The following RIMS3 variants were observed in gnomAD, a reference collection of about 807,000 sequenced individuals.
RIMS3 encodes regulating synaptic membrane exocytosis 3, also known as regulating synaptic membrane exocytosis protein 3.
Under a neutral mutation model 29.2 loss-of-function variants are expected in RIMS3, and 15 were observed. The ratio of observed to expected loss-of-function variants is 0.51; its 90% CI spans 0.34 to 0.79. The LOEUF (loss-of-function observed/expected upper bound fraction) is 0.79, where lower values mean the gene tolerates loss of function less well. RIMS3 is among the 30% of genes least tolerant of loss of function. The pLI is 0.01. For missense variants in RIMS3, 342 were observed against 421.4 expected, an observed-to-expected ratio of 0.81 and a Z score of 1.65; for synonymous variants, 161 against 170.1, an observed-to-expected ratio of 0.95 and a Z score of 0.41.
chr1:40,623,035 T>G lies in RIMS3; in HGVS notation c.*3482A>C, dbSNP rs1206756682. 5.1e-6 allele frequency: 1 copy of G among 196,096 alleles called. No individual in the cohort carries two copies. Among genetic ancestry groups the G allele is most frequent in the Non-Finnish European group, 1.0e-5 (1 of 97,346 alleles). The allele number at this position is 196,096 out of a possible 1,614,324, so 12.1% of individuals were successfully genotyped here. On this transcript the variant is annotated 3_prime_UTR_variant, in exon 8 of 8. Coordinates refer to ENST00000372684, the MANE Select transcript of RIMS3 (RefSeq NM_014747.3). Reference sequence around the variant, plus strand: ...GAAGAGATCAGGCATGCTTCCCTGGTGGGTGGCATGACCATGGGAGGACTG... The same window carrying G: ...GAAGAGATCAGGCATGCTTCCCTGGGGGGTGGCATGACCATGGGAGGACTG...
intron 1 of RIMS3, among the ~76,000 whole-genome samples, chr1:40,657,043 G>T (rs1642283216): frequency 6.6e-6 from 1 of 152,190 alleles, no homozygotes; most frequent in African/African-American, 2.4e-5. Flanking sequence ...CAATCTTTTA[G>T]AAATTCCTTG....
intron 1 of RIMS3, among the ~76,000 whole-genome samples, chr1:40,665,160 GC>G (rs1002579190): frequency 2.0e-5 from 3 of 151,998 alleles, no homozygotes; most frequent in Non-Finnish European, 4.4e-5. Flanking sequence ...AAGACTCTGG[GC>G]CCCCTTCCCC....
chr1:40,690,169 T>C, the RIMS3 span, among the ~76,000 whole-genome samples: 38 of 152,370 alleles, frequency 2.5e-4, no homozygotes, highest in South Asian at 4.8e-3. Context: ...TGCTGCTTCA[T>C]TGTAACTAAA....
At chr1:40,677,513 A>G in the RIMS3 span, among the ~76,000 whole-genome samples, 3 of 151,150 alleles carry the variant, frequency 2.0e-5, no homozygotes, top group Non-Finnish European at 4.4e-5. Context: ...CCTGGCTAAC[A>G]CGGTGAAACC....
intron 1 of RIMS3, among the ~76,000 whole-genome samples, chr1:40,651,356 G>A (rs915708810): frequency 2.0e-5 from 3 of 152,188 alleles, no homozygotes; most frequent in Non-Finnish European, 2.9e-5. Flanking sequence ...GCCAAGGAAC[G>A]CCAAGGATTG....
In RIMS3 at chr1:40,636,472, A is replaced by C. The variant is rs1646520945; in HGVS notation, c.218-415T>G. Among the ~76,000 whole-genome samples, 2 of 152,074 alleles carry C rather than the reference A, an allele frequency of 1.3e-5. No individual in the cohort carries two copies. Among genetic ancestry groups the C allele is most frequent in the Non-Finnish European group, 2.9e-5 (2 of 68,002 alleles). On this transcript the variant is annotated intron_variant, in intron 3 of 7. Coordinates refer to ENST00000372684, the MANE Select transcript of RIMS3 (RefSeq NM_014747.3). This position sits in a 1 kb window ranked among gnomAD's most constrained non-coding sequence, Gnocchi z 4.2. ...AAAGTTCATCTTCTCTGGGATTCTC[A>C]GACTGACTTTCCCTCTTTCAGGCAC...
chr1:40,652,701 T>A (rs984286724), intron 1 of RIMS3, among the ~76,000 whole-genome samples: 5 of 152,180 alleles, frequency 3.3e-5, no homozygotes, highest in Admixed American at 1.3e-4. Context: ...AGTGCAGGGC[T>A]CTGAATGTGG....
At chr1:40,688,008 A>G in the RIMS3 span, among the ~76,000 whole-genome samples, 1 of 152,202 alleles carries the variant, frequency 6.6e-6, no homozygotes, top group Non-Finnish European at 1.5e-5. Flanking sequence ...TCTGTCACCT[A>G]GGCTAGAGTG....
the RIMS3 span, among the ~76,000 whole-genome samples, chr1:40,681,066 T>C: frequency 6.6e-6 from 1 of 152,226 alleles, no homozygotes; most frequent in East Asian, 1.9e-4. Context: ...ACTCTCTTGT[T>C]TGCATTGTCT....
chr1:40,626,778 G>A (rs1435577147), intron 7 of RIMS3, 49 bp from the exon 8 acceptor site: 5 of 1,570,716 alleles, frequency 3.2e-6, no homozygotes, highest in Non-Finnish European at 3.5e-6. Flanking sequence ...CTGACTCCAG[G>A]ACTGTGCAGC....
At position 40,634,953 on chromosome 1, in the gene RIMS3, A is replaced by C. The variant is rs139068553; in HGVS notation, c.359+963T>G. Among the ~76,000 whole-genome samples, 669 of 152,070 alleles carry C rather than the reference A, an allele frequency of 4.4e-3. 8 individuals are homozygous for C. Among genetic ancestry groups the C allele is most frequent in the African/African-American group, 0.014 (601 of 41,484 alleles). ...CAAAACTCCATCACAAAAAAAAAAA[A>C]AACAAAAAAAACAACGATCACTGTT... On this transcript the variant is annotated intron_variant, in intron 4 of 7. Coordinates refer to ENST00000372684, the MANE Select transcript of RIMS3 (RefSeq NM_014747.3).
intron 5 of RIMS3, 37 bp downstream of exon 5, chr1:40,633,032 C>T (rs1325149222): frequency 1.3e-6 from 2 of 1,543,090 alleles, no homozygotes; most frequent in Admixed American, 3.3e-5. Context: ...CGCATGGTCA[C>T]CATTACCCCA....
intron 2 of RIMS3, among the ~76,000 whole-genome samples, chr1:40,642,675 G>A (rs963764369): frequency 6.6e-6 from 1 of 152,006 alleles, no homozygotes; most frequent in Non-Finnish European, 1.5e-5. Context: ...TTATATCATG[G>A]TCGGGCACAG....
the RIMS3 span, chr1:40,691,873 TGA>T: frequency 5.0e-6 from 2 of 399,832 alleles, no homozygotes; most frequent in South Asian, 3.4e-5. Flanking sequence ...CAGAGGTGTG[TGA>T]GTGTGCGGGA....
At chr1:40,651,115 G>A (rs1646629642) in intron 1 of RIMS3, among the ~76,000 whole-genome samples, 1 of 152,128 alleles carries the variant, frequency 6.6e-6, no homozygotes, top group Non-Finnish European at 1.5e-5. Context: ...AAGTTGAGTT[G>A]TGTCCCCCCA....
chr1:40,655,515 C>G (rs1225962657), intron 1 of RIMS3, among the ~76,000 whole-genome samples: 2 of 152,210 alleles, frequency 1.3e-5, no homozygotes, highest in African/African-American at 4.8e-5. Flanking sequence ...AAAAGAAGCC[C>G]AAGCCAGGGT....
At chr1:40,645,442 T>C (rs1484768898) in intron 2 of RIMS3, among the ~76,000 whole-genome samples, 2 of 152,232 alleles carry the variant, frequency 1.3e-5, no homozygotes, top group Non-Finnish European at 1.5e-5. Flanking sequence ...CCAGGTCTCC[T>C]GTTTCCACAA....
chr1:40,632,435 T>G (rs1046544739), intron 5 of RIMS3, among the ~76,000 whole-genome samples: 66 of 89,474 alleles, frequency 7.4e-4, no homozygotes, highest in Middle Eastern at 0.011. Flanking sequence ...TATATATATA[T>G]ATATATATAT....
intron 1 of RIMS3, among the ~76,000 whole-genome samples, chr1:40,662,785 TG>T (rs1642370993): frequency 6.6e-6 from 1 of 152,212 alleles, no homozygotes; most frequent in Non-Finnish European, 1.5e-5. Flanking sequence ...ACATTCCAGA[TG>T]GGGTGGAGAA....
Sources: allele counts gnomAD v4.1 joint callset (sites outside exome capture counted in the v4.1 genomes callset), GRCh38; gene constraint gnomAD v4.1.1; non-coding constraint Gnocchi (gnomAD v3.1); transcripts MANE v1.5; gene names NCBI Gene and HGNC (gene_info 2026-07-23, HGNC 2026-07-21).